The following ATG2B variants were observed in gnomAD, a reference collection of about 807,000 sequenced individuals.
ATG2B encodes autophagy-related protein 2 homolog B.
ATG2B carries 121 observed loss-of-function variants against 241.3 expected under a neutral mutation model. The observed-to-expected ratio is 0.50, with a 90% confidence interval of 0.43 to 0.58. ATG2B has a LOEUF of 0.58. Among genes scored for constraint, ATG2B ranks in the 20% least tolerant of loss-of-function variants. The probability of loss-of-function intolerance (pLI) is 0.00; values close to 1 mark genes in which losing one functional copy is unlikely to be tolerated. For synonymous variants in ATG2B, 858 were observed against 876.6 expected, an observed-to-expected ratio of 0.98 and a Z score of 0.37; for missense variants, 2,306 against 2,491.6, an observed-to-expected ratio of 0.93 and a Z score of 1.59.
intron 1 of ATG2B, among the ~76,000 whole-genome samples, chr14:96,357,333 T>C (rs1366810083): frequency 6.6e-6 from 1 of 152,200 alleles, no homozygotes; most frequent in Non-Finnish European, 1.5e-5. Flanking sequence ...GCTGATCTAC[T>C]TACTACCCAC....
chr14:96,328,246 A>T, intron 14 of ATG2B, 101 bp downstream of exon 14: 1 of 702,758 alleles, frequency 1.4e-6, no homozygotes, highest in Non-Finnish European at 2.2e-6. Context: ...TTTTAATTAT[A>T]CTGTTTAATC....
intron 25 of ATG2B, among the ~76,000 whole-genome samples, 189 bp from the exon 26 acceptor site, chr14:96,312,348 T>G (rs1002639446): frequency 6.6e-6 from 1 of 152,238 alleles, no homozygotes; most frequent in African/African-American, 2.4e-5. Context: ...AATATTTAAA[T>G]GGTGTAAAGA....
Position 96,317,390 on chromosome 14 carries a change from A to T in ATG2B, c.3038-73T>A, listed in dbSNP as rs17094017. 0.3 allele frequency: 389,061 copies of T among 1,314,914 alleles called. 59,388 individuals are homozygous for T. The highest frequency in any genetic ancestry group is 0.44 in the African/African-American group (29,981 of 67,688). 81.5% of individuals were successfully genotyped at this position (1,314,914 alleles called of 1,614,324 possible). On this transcript the variant is annotated intron_variant, in intron 19 of 41. Coordinates refer to ENST00000359933, the MANE Select transcript of ATG2B (RefSeq NM_018036.7). ...GCAACATAAAAATGATCATGAAAAT[A>T]TTTTATATAACCTGCTTAGTTTTAC...
chr14:96,335,388 T>C (rs1887843731), intron 6 of ATG2B, among the ~76,000 whole-genome samples: 2 of 152,122 alleles, frequency 1.3e-5, no homozygotes, highest in Admixed American at 6.5e-5. Flanking sequence ...TCAAATAAAC[T>C]ACATAATGAT....
chr14:96,315,560 G>T lies in ATG2B; in HGVS notation c.3385C>A (p.Pro1129Thr). Residue 1129 changes from proline (P) to threonine (T), a missense_variant, in exon 22 of 42, where the codon CCG (proline) becomes ACG (threonine). By Grantham distance (38) the Pro-to-Thr change is conservative. Around this residue, in one of 2 missense-constraint regions of ATG2B, gnomAD observed 1,927 missense variants for 2,011.2 expected, o/e 0.96. Coordinates refer to ENST00000359933, the MANE Select transcript of ATG2B (RefSeq NM_018036.7). ...GAGCTGGGAAGTCGTGTTTCTGTCG[G>T]GAGAATCACTCCATTCACTATGCCT... Reference protein sequence around the residue: ...HKGIVNGVILPTETRLPSSTR... With the variant: ...HKGIVNGVILTTETRLPSSTR... The T allele has an allele frequency of 1.2e-6, 2 of 1,613,896 alleles. No individual in the cohort carries two copies. Among genetic ancestry groups the T allele is most frequent in the Non-Finnish European group, 1.7e-6 (2 of 1,179,872 alleles).
chr14:96,355,798 T>C (rs1482677777), intron 1 of ATG2B, among the ~76,000 whole-genome samples: 1 of 152,166 alleles, frequency 6.6e-6, no homozygotes, highest in Non-Finnish European at 1.5e-5. Flanking sequence ...ATTCCATAGA[T>C]TAACTAGGCA....
At chr14:96,319,969 T>C (rs890164350) in intron 18 of ATG2B, among the ~76,000 whole-genome samples, 1 of 152,176 alleles carries the variant, frequency 6.6e-6, no homozygotes, top group African/African-American at 2.4e-5. Flanking sequence ...CTTCAGTATT[T>C]ATGCAATTCT....
In ATG2B at chr14:96,284,518, A is replaced by C. The variant is rs927279835; in HGVS notation, c.*1237T>G. 25 of 152,300 alleles carry C rather than the reference A, an allele frequency of 1.6e-4. No individual in the cohort carries two copies. The highest frequency in any genetic ancestry group is 6.0e-4 in the African/African-American group (25 of 41,556). The allele number at this position is 152,300 out of a possible 1,614,324, so 9.4% of individuals were successfully genotyped here. ...AGAAAACAGGAAGTCAGGTCATGCA[A>C]CTTTCAACAGTGGATATATACAAAG... On this transcript the variant is annotated 3_prime_UTR_variant, in exon 42 of 42. Transcript: ENST00000359933.
At chr14:96,361,399 T>C (rs1888624006) in intron 1 of ATG2B, among the ~76,000 whole-genome samples, 1 of 152,200 alleles carries the variant, frequency 6.6e-6, no homozygotes, top group Non-Finnish European at 1.5e-5. Flanking sequence ...AATGGAAATA[T>C]TAATGCCCAC....
At chr14:96,343,816 T>G (rs1160278189) in intron 4 of ATG2B, among the ~76,000 whole-genome samples, 2 of 152,230 alleles carry the variant, frequency 1.3e-5, no homozygotes, top group African/African-American at 4.8e-5. Context: ...AATTTTAGAT[T>G]TTTTTAAATC....
chr14:96,314,470 A>G (rs1887249923), intron 23 of ATG2B, among the ~76,000 whole-genome samples: 1 of 152,198 alleles, frequency 6.6e-6, no homozygotes, highest in African/African-American at 2.4e-5. Flanking sequence ...ATTATATGGA[A>G]ATATTGCACT....
chr14:96,344,993 T>G (rs1888134571), intron 3 of ATG2B, among the ~76,000 whole-genome samples: 1 of 152,062 alleles, frequency 6.6e-6, no homozygotes. Context: ...CACTATCTGT[T>G]ATATTCTAAT....
Position 96,299,171 on chromosome 14 carries a change from G to A in ATG2B, c.5139+2836C>T, listed in dbSNP as rs3783427. On this transcript the variant is annotated intron_variant, in intron 34 of 41. Coordinates refer to ENST00000359933, the MANE Select transcript of ATG2B (RefSeq NM_018036.7). ...TCTTCCTTAGCAGAATGGTCTCCCA[G>A]TCCCAGTCCACAATCAGAGTAAGGC... 4.4e-3 allele frequency among the ~76,000 whole-genome samples: 663 copies of A among 152,242 alleles called. 26 individuals carry two copies. The South Asian group carries it at 0.068, about 16-fold the overall frequency.
rs373987676 is a variant in ATG2B at position 96,309,442 on chromosome 14, C to T, written c.4303+11G>A. 7 of 1,612,362 alleles carry T rather than the reference C, an allele frequency of 4.3e-6. No individual in the cohort carries two copies. In the South Asian group the frequency reaches 4.4e-5, roughly 10 times the overall value. On this transcript the variant is annotated intron_variant, in intron 29 of 41. Coordinates refer to ENST00000359933, the MANE Select transcript of ATG2B (RefSeq NM_018036.7). ...AACATCAGTGCTCCCTGAGAAGAGT[C>T]CTGGTCTTACCATTAGCCTGTGGTT...
rs1352387914 is a variant in ATG2B, at chr14:96,281,307, A to AT, written c.*4447dup. 6.6e-6 allele frequency: 1 copy of AT among 152,254 alleles called. No homozygotes were observed. Among genetic ancestry groups the AT allele is most frequent in the African/African-American group, 2.4e-5 (1 of 41,466 alleles). 9.4% of individuals were successfully genotyped at this position (152,254 alleles called of 1,614,324 possible). A position where few individuals can be genotyped will look rare whatever the true frequency, so the allele number is the denominator to read the frequency against. On this transcript the variant is annotated 3_prime_UTR_variant, in exon 42 of 42. Coordinates refer to ENST00000359933, the MANE Select transcript of ATG2B (RefSeq NM_018036.7). ...TTTCTTCAAGAGTATTCTTATTTTC[A>AT]TATTATTTAAATAGTCACATTAACA...
At chr14:96,304,432 T>C in intron 32 of ATG2B, 63 bp downstream of exon 32, 1 of 1,263,430 alleles carries the variant, frequency 7.9e-7, no homozygotes, top group South Asian at 1.2e-5. Flanking sequence ...TGGTGGGGGA[T>C]AACAAAAGAA....
At chr14:96,347,552 G>A (rs1404498180) in intron 1 of ATG2B, among the ~76,000 whole-genome samples, 1 of 152,170 alleles carries the variant, frequency 6.6e-6, no homozygotes, top group Non-Finnish European at 1.5e-5. Flanking sequence ...ATAACCCGCA[G>A]AATGGCAGAA....
At chr14:96,300,076 T>G (rs1313215059) in intron 34 of ATG2B, among the ~76,000 whole-genome samples, 1 of 152,230 alleles carries the variant, frequency 6.6e-6, no homozygotes, top group Non-Finnish European at 1.5e-5. Context: ...AGCTTTTATG[T>G]CTTAATGAAT....
In ATG2B at chr14:96,313,047, T is replaced by G. The variant is rs370318845; in HGVS notation, c.3842+18A>C. 2.7e-6 allele frequency: 4 copies of G among 1,489,004 alleles called. No homozygotes were observed. The African/African-American group carries it at 5.5e-5, about 21-fold the overall frequency. The allele number at this position is 1,489,004 out of a possible 1,614,324, so 92.2% of individuals were successfully genotyped here. A position where few individuals can be genotyped will look rare whatever the true frequency, so the allele number is the denominator to read the frequency against. On this transcript the variant is annotated intron_variant, in intron 25 of 41. Coordinates refer to ENST00000359933, the MANE Select transcript of ATG2B (RefSeq NM_018036.7). ...TCGAACAGCTTTGTTTAGTATACAA[T>G]GAAGTTTACACAGGTACCTGAGAGT...
Sources: gnomAD v4.1 joint callset for allele counts (sites outside exome capture counted in the v4.1 genomes callset) on GRCh38, gnomAD v4.1.1 for gene constraint, gnomAD v4.1.1 regional missense constraint, MANE v1.5 for transcripts, NCBI Gene and HGNC (gene_info 2026-07-23, HGNC 2026-07-21) for gene names.